The following CAPN13 variants were observed in gnomAD, a reference collection of about 807,000 sequenced individuals.
CAPN13 encodes calpain 13.
CAPN13 carries 90 observed loss-of-function variants against 98.4 expected under a neutral mutation model. The ratio of observed to expected loss-of-function variants is 0.92; its 90% CI spans 0.77 to 1.09. The LOEUF (loss-of-function observed/expected upper bound fraction) is 1.09. Ranked by LOEUF, CAPN13 falls within the 50% of genes least tolerant of loss-of-function variation. The pLI is 0.00. For missense variants in CAPN13, 887 were observed against 841.3 expected, an observed-to-expected ratio of 1.05 and a Z score of -0.67; for synonymous variants, 330 against 305.5, an observed-to-expected ratio of 1.08 and a Z score of -0.84.
chr2:30,756,449 C>T, intron 8 of CAPN13, among the ~76,000 whole-genome samples: 1 of 152,196 alleles, frequency 6.6e-6, no homozygotes, highest in Non-Finnish European at 1.5e-5. Flanking sequence ...GCTTCTCTTC[C>T]CCAAATCCTG....
chr2:30,795,853 A>G (rs1409477293), intron 1 of CAPN13, among the ~76,000 whole-genome samples: 1 of 152,048 alleles, frequency 6.6e-6, no homozygotes, highest in Non-Finnish European at 1.5e-5. Context: ...AAACTTTGTA[A>G]GAGATTCTCT....
intron 18 of CAPN13, among the ~76,000 whole-genome samples, chr2:30,735,404 T>C (rs576728758): frequency 6.6e-6 from 1 of 152,316 alleles, no homozygotes; most frequent in South Asian, 2.1e-4. Flanking sequence ...GAGACAACTG[T>C]TGCAAAATAG....
At chr2:30,768,783 G>C (rs982131938) in intron 5 of CAPN13, among the ~76,000 whole-genome samples, 1 of 151,690 alleles carries the variant, frequency 6.6e-6, no homozygotes, top group Non-Finnish European at 1.5e-5. Context: ...TTGTTTGTAT[G>C]CGTTCTTGTG....
At chr2:30,771,972 G>A (rs1330392829) in intron 4 of CAPN13, among the ~76,000 whole-genome samples, 1 of 152,230 alleles carries the variant, frequency 6.6e-6, no homozygotes, top group Non-Finnish European at 1.5e-5. Flanking sequence ...CTAGGACAAT[G>A]CCTGGCACAC....
In CAPN13 at chr2:30,736,603, C is replaced by T. The variant is rs376827576; in HGVS notation, c.1654-32G>A. ...AAGGAGTTAAGAGTGAACCAGCCAG[C>T]GTGCAAGGTGCAGAGGGGCTGCCAT... is the stretch of plus-strand genomic sequence containing the variant. On this transcript the variant is annotated intron_variant, in intron 17 of 22. Transcript: ENST00000295055. 4.5e-5 allele frequency: 73 copies of T among 1,607,488 alleles called. No homozygotes were observed. The Middle Eastern group carries it at 5.0e-4, about 11-fold the overall frequency.
At chr2:30,790,242 C>G (rs1674531009) in intron 1 of CAPN13, among the ~76,000 whole-genome samples, 1 of 152,190 alleles carries the variant, frequency 6.6e-6, no homozygotes, top group Non-Finnish European at 1.5e-5. Context: ...TTTGGGAGGG[C>G]TTTCTGCTTC....
chr2:30,741,363 T>A (rs1363116246), intron 15 of CAPN13: 15 of 984,836 alleles, frequency 1.5e-5, no homozygotes, highest in Non-Finnish European at 1.7e-5. Context: ...CTTTCCACAC[T>A]AACACAATTA....
At chr2:30,730,871 G>C (rs962703871) in intron 21 of CAPN13, 85 bp from the exon 22 acceptor site, 2 of 770,260 alleles carry the variant, frequency 2.6e-6, no homozygotes, top group East Asian at 2.4e-5. Flanking sequence ...CTCCTCCCTC[G>C]GAAGACCTCA....
At chr2:30,761,282 G>A (rs959905454) in intron 7 of CAPN13, among the ~76,000 whole-genome samples, 1 of 152,130 alleles carries the variant, frequency 6.6e-6, no homozygotes, top group African/African-American at 2.4e-5. Context: ...GTCTTCCCAG[G>A]GGAGGTGCTC....
At chr2:30,742,138 G>T (rs1337629772) in intron 14 of CAPN13, among the ~76,000 whole-genome samples, 174 bp from the exon 15 acceptor site, 1 of 152,212 alleles carries the variant, frequency 6.6e-6, no homozygotes, top group Non-Finnish European at 1.5e-5. Flanking sequence ...AAGAGGGCTG[G>T]GTTGAGCCTG....
intron 1 of CAPN13, among the ~76,000 whole-genome samples, chr2:30,800,624 A>ATTTCTGG (rs1457829667): frequency 5.3e-5 from 8 of 152,216 alleles, no homozygotes; most frequent in Admixed American, 1.3e-4. Context: ...TTTCTACTGT[A>ATTTCTGG]AGATTCTGTA....
chr2:30,727,427 G>A (rs934022212), intron 22 of CAPN13, among the ~76,000 whole-genome samples: 4 of 152,100 alleles, frequency 2.6e-5, no homozygotes, highest in African/African-American at 4.8e-5. Context: ...TAAGGAATTC[G>A]TATCTACAAT....
intron 1 of CAPN13, among the ~76,000 whole-genome samples, chr2:30,804,926 A>C (rs1675520385): frequency 6.6e-6 from 1 of 152,248 alleles, no homozygotes; most frequent in Admixed American, 6.5e-5. Context: ...AGTGTTCAGC[A>C]GATATTAATG....
chr2:30,800,184 G>GAAAGAA (rs1553322293), intron 1 of CAPN13, among the ~76,000 whole-genome samples: 7 of 148,788 alleles, frequency 4.7e-5, no homozygotes, highest in Non-Finnish European at 7.5e-5. Flanking sequence ...AAGAAAGAAA[G>GAAAGAA]AAAGAAAACT....
chr2:30,728,599 G>A (rs1034348116), intron 22 of CAPN13, among the ~76,000 whole-genome samples: 4 of 152,166 alleles, frequency 2.6e-5, no homozygotes, highest in Non-Finnish European at 5.9e-5. Flanking sequence ...GGAAAAAGAG[G>A]GACAAGTTGT....
chr2:30,763,466 A>T (rs1248935106), intron 6 of CAPN13, among the ~76,000 whole-genome samples: 1 of 152,220 alleles, frequency 6.6e-6, no homozygotes, highest in Admixed American at 6.5e-5. Flanking sequence ...GTCTGCTGGG[A>T]CATTCACAGG....
intron 4 of CAPN13, among the ~76,000 whole-genome samples, chr2:30,771,667 C>A (rs941848077): frequency 2.6e-5 from 4 of 152,124 alleles, no homozygotes; most frequent in Non-Finnish European, 5.9e-5. Context: ...GAAGGGAGTA[C>A]CAAAAGGACA....
At chr2:30,730,460 G>A (rs1362681802) in intron 22 of CAPN13, among the ~76,000 whole-genome samples, 1 of 151,698 alleles carries the variant, frequency 6.6e-6, no homozygotes, top group Non-Finnish European at 1.5e-5. Flanking sequence ...TTTTTCTTTC[G>A]AACTGCAGTG....
intron 1 of CAPN13, 31 bp from the exon 2 acceptor site, chr2:30,787,388 G>T: frequency 6.7e-7 from 1 of 1,498,808 alleles, no homozygotes; most frequent in Non-Finnish European, 9.0e-7. Context: ...TACCTTTGGG[G>T]TAAGCCATCA....
Sources: allele counts gnomAD v4.1 joint callset (sites outside exome capture counted in the v4.1 genomes callset), GRCh38; gene constraint gnomAD v4.1.1; transcripts MANE v1.5; gene names NCBI Gene and HGNC (gene_info 2026-07-23, HGNC 2026-07-21).